SNX29: variants seen among roughly 807,000 people sequenced by gnomAD.
SNX29 encodes the protein sorting nexin-29.
Under a neutral mutation model 102.1 loss-of-function variants are expected in SNX29, and 78 were observed. The observed-to-expected ratio is 0.76, with a 90% CI of 0.64 to 0.92. The LOEUF (loss-of-function observed/expected upper bound fraction) is 0.92. Ranked by LOEUF, SNX29 falls within the 40% of genes least tolerant of loss-of-function variation. SNX29 has a pLI of 0.00. For synonymous variants in SNX29, 580 were observed against 414.5 expected, an observed-to-expected ratio of 1.40 and a Z score of -4.85; for missense variants, 1,280 against 1,061.7, an observed-to-expected ratio of 1.21 and a Z score of -2.86.
At chr16:12,557,615 G>C (rs1180144867) in intron 20 of SNX29, 1 of 152,092 alleles carries the variant, frequency 6.6e-6, no homozygotes, top group Non-Finnish European at 1.5e-5. Context: ...ATTCTCCTTG[G>C]CATCCCAGAA....
At chr16:12,171,349 A>G (rs1472603106) in intron 13 of SNX29, among the ~76,000 whole-genome samples, 1 of 152,144 alleles carries the variant, frequency 6.6e-6, no homozygotes. Flanking sequence ...GGAGGGAGAA[A>G]ACACGCACAG....
chr16:11,988,979 A>ATTT (rs573899646), intron 1 of SNX29, among the ~76,000 whole-genome samples: 1 of 148,402 alleles, frequency 6.7e-6, no homozygotes, highest in Non-Finnish European at 1.5e-5. Context: ...CTCTAGAGTA[A>ATTT]TTTTTTTTTT....
chr16:12,260,774 T>C (rs1247555549), intron 14 of SNX29, among the ~76,000 whole-genome samples: 1 of 151,290 alleles, frequency 6.6e-6, no homozygotes, highest in Non-Finnish European at 1.5e-5. Context: ...TTCGCTGAGC[T>C]CCAGTCTGTG....
Position 12,568,725 on chromosome 16 carries a change from G to C in SNX29, c.*96G>C. 1 of 1,506,078 alleles carries C rather than the reference G, an allele frequency of 6.6e-7. No individual in the cohort carries two copies. Among genetic ancestry groups the C allele is most frequent in the Non-Finnish European group, 8.9e-7 (1 of 1,126,558 alleles). The allele number at this position is 1,506,078 out of a possible 1,614,324, so 93.3% of individuals were successfully genotyped here. The stretch of plus-strand genomic sequence containing the variant: ...CCCCTCACCTCAGCGTGACAACCAC[G>C]TCCACCTGGTGATCCTGAGAGCACA... On this transcript the variant is annotated 3_prime_UTR_variant, in exon 21 of 21. Coordinates refer to ENST00000566228, the MANE Select transcript of SNX29 (RefSeq NM_032167.5).
In SNX29 at chr16:12,042,881, T is replaced by G; in HGVS notation, c.248-16T>G. The G allele has an allele frequency of 6.3e-7, 1 of 1,594,062 alleles. No individual in the cohort carries two copies. Among genetic ancestry groups the G allele is most frequent in the South Asian group, 1.1e-5 (1 of 88,926 alleles). On this transcript the variant is annotated splice_polypyrimidine_tract_variant and intron_variant, in intron 4 of 20. Coordinates refer to ENST00000566228, the MANE Select transcript of SNX29 (RefSeq NM_032167.5). ...CCCCAGGCCGAGTGCCAGGCGCCTGTGCCCTCTCTCCGTAGAGCCCGTGTT... is the reference window on the plus strand; with the variant it reads ...CCCCAGGCCGAGTGCCAGGCGCCTGGGCCCTCTCTCCGTAGAGCCCGTGTT...
chr16:12,246,851 G>A (rs8060472), intron 14 of SNX29, among the ~76,000 whole-genome samples: 1 of 152,134 alleles, frequency 6.6e-6, no homozygotes, highest in Non-Finnish European at 1.5e-5. Flanking sequence ...ATGGCTTTTT[G>A]TGGAAGACAT....
intron 3 of SNX29, among the ~76,000 whole-genome samples, chr16:12,020,814 G>T (rs1481075838): frequency 6.6e-6 from 1 of 150,868 alleles, no homozygotes; most frequent in East Asian, 2.0e-4. Flanking sequence ...AGTAGAGATG[G>T]GGTTTTGCCA....
intron 12 of SNX29, among the ~76,000 whole-genome samples, chr16:12,128,574 C>T (rs988241892): frequency 4.0e-5 from 6 of 151,680 alleles, no homozygotes; most frequent in African/African-American, 1.5e-4. Flanking sequence ...TGCCTCAGCC[C>T]CCCGAATAGC....
intron 15 of SNX29, among the ~76,000 whole-genome samples, 178 bp downstream of exon 15, chr16:12,278,214 C>G (rs2079316677): frequency 6.6e-6 from 1 of 152,014 alleles, no homozygotes; most frequent in Admixed American, 6.6e-5. Context: ...ATGAGCTGAT[C>G]CTTTGAAAAA....
intron 15 of SNX29, among the ~76,000 whole-genome samples, chr16:12,332,153 C>T (rs375749121): frequency 7.9e-5 from 12 of 152,092 alleles, no homozygotes; most frequent in East Asian, 3.9e-4. Flanking sequence ...TACTATTATC[C>T]TCATCCTAGA....
chr16:12,510,593 A>G (rs2089570686), intron 19 of SNX29, among the ~76,000 whole-genome samples: 1 of 152,090 alleles, frequency 6.6e-6, no homozygotes, highest in African/African-American at 2.4e-5. Context: ...GAATCGCTGG[A>G]ACCCCGGAGG....
At chr16:12,545,886 G>A (rs932652108) in intron 20 of SNX29, among the ~76,000 whole-genome samples, 1 of 152,144 alleles carries the variant, frequency 6.6e-6, no homozygotes, top group Non-Finnish European at 1.5e-5. Context: ...CGTGGGCATT[G>A]GGGTGGGGTA....
At chr16:12,141,478 AAAG>A (rs1362257320) in intron 13 of SNX29, among the ~76,000 whole-genome samples, 1 of 152,256 alleles carries the variant, frequency 6.6e-6, no homozygotes, top group African/African-American at 2.4e-5. Flanking sequence ...TAAAGAAGCA[AAAG>A]AAGGGCTACT....
rs370180003 is a variant in SNX29, at chr16:12,096,875, G to A, written c.1402+17960G>A. On this transcript the variant is annotated intron_variant, in intron 11 of 20. Coordinates refer to ENST00000566228, the MANE Select transcript of SNX29 (RefSeq NM_032167.5). This position sits in a 1 kb window ranked among gnomAD's most constrained non-coding sequence, Gnocchi z 4.2. ...GCTCCCAGGAGGGGAAGGAGGAACC[G>A]ATGACAGCAGGATGAATGTAGCAAG... Among the ~76,000 whole-genome samples the A allele has an allele frequency of 6.6e-6, 1 of 152,192 alleles. No homozygotes were observed. The highest frequency in any genetic ancestry group is 2.1e-4 in the South Asian group (1 of 4,830).
chr16:12,227,777 G>A (rs2077654893), intron 14 of SNX29, among the ~76,000 whole-genome samples: 1 of 151,846 alleles, frequency 6.6e-6, no homozygotes, highest in African/African-American at 2.4e-5. Flanking sequence ...GCTCGTGCTT[G>A]TAATCCCAGC....
chr16:12,567,549 C>T (rs1039872279), intron 20 of SNX29, among the ~76,000 whole-genome samples: 1 of 152,044 alleles, frequency 6.6e-6, no homozygotes, highest in African/African-American at 2.4e-5. Flanking sequence ...CTTTAGGAGG[C>T]TGAGCAAGAG....
rs1185676518 is a variant in SNX29, at chr16:12,101,815, G to A, written c.1402+22900G>A. Among the ~76,000 whole-genome samples, 5 of 152,122 alleles carry A rather than the reference G, an allele frequency of 3.3e-5. No individual in the cohort carries two copies. In the East Asian group the frequency reaches 9.6e-4, roughly 29 times the overall value. Reference sequence around the variant, plus strand: ...AAGTTCTGGGATCCATGTGCAGAATGTGCATGCTTATTACATAGGTATACT... The same window carrying A: ...AAGTTCTGGGATCCATGTGCAGAATATGCATGCTTATTACATAGGTATACT... On this transcript the variant is annotated intron_variant, in intron 11 of 20. Coordinates refer to ENST00000566228, the MANE Select transcript of SNX29 (RefSeq NM_032167.5).
intron 20 of SNX29, among the ~76,000 whole-genome samples, chr16:12,565,258 G>C (rs1465561): frequency 1.3e-5 from 2 of 152,014 alleles, no homozygotes; most frequent in South Asian, 2.1e-4. Context: ...GATGGCAGTT[G>C]CAAGAGGTTC....
chr16:12,300,002 C>T (rs528071366), intron 15 of SNX29, among the ~76,000 whole-genome samples: 6 of 152,270 alleles, frequency 3.9e-5, no homozygotes, highest in African/African-American at 1.4e-4. Flanking sequence ...TCCTGAGTAG[C>T]TGGGACCACA....
Sources: allele counts gnomAD v4.1 joint callset (sites outside exome capture counted in the v4.1 genomes callset), GRCh38; gene constraint gnomAD v4.1.1; non-coding constraint Gnocchi (gnomAD v3.1); transcripts MANE v1.5; gene names NCBI Gene and HGNC (gene_info 2026-07-23, HGNC 2026-07-21).